The following SDR42E1 variants were observed in gnomAD, a reference collection of about 807,000 sequenced individuals.
The protein encoded by SDR42E1 is short-chain dehydrogenase/reductase family 42E member 1.
A neutral mutation model predicts 2.6 loss-of-function variants in SDR42E1; 5 were observed. That is an observed-to-expected ratio of 1.94 (90% confidence interval 1.01 to 4.08). The LOEUF is 4.08. Ranked by LOEUF, SDR42E1 falls within the 30% of genes most tolerant of loss-of-function variation. The pLI is 0.00. For synonymous variants in SDR42E1, 231 were observed against 188.3 expected (o/e 1.23, Z -1.86); for missense variants, 596 against 478.6 (o/e 1.25, Z -2.29).
Position 81,989,499 on chromosome 16 carries a change from A to C in SDR42E1, c.*9612T>G, listed in dbSNP as rs936559730. On this transcript the variant is annotated 3_prime_UTR_variant, in exon 3 of 3. Coordinates refer to ENST00000328945, the MANE Select transcript of SDR42E1 (RefSeq NM_145168.3). ...TCTAAGTTACACAGAAGCACTCTGA[A>C]TGTGTAGAAATAAAAGCTTGATGAT... 1 of 152,218 alleles carries C rather than the reference A, an allele frequency of 6.6e-6. No individual in the cohort carries two copies. The highest frequency in any genetic ancestry group is 2.4e-5 in the African/African-American group (1 of 41,434). 9.4% of individuals were successfully genotyped at this position (152,218 alleles called of 1,614,324 possible).
chr16:81,989,949 G>A lies in SDR42E1; in HGVS notation c.*9162C>T, dbSNP rs889498169. On this transcript the variant is annotated 3_prime_UTR_variant, in exon 3 of 3. Transcript: ENST00000328945. The stretch of plus-strand genomic sequence containing the variant: ...GGAGGCGGAGGTTGCAGTGAGCCAA[G>A]ATTGTGCCACTGCACTCCAGCCTGG... The A allele has an allele frequency of 6.6e-6, 1 of 152,424 alleles. No homozygotes were observed. The highest frequency in any genetic ancestry group is 1.5e-5 in the Non-Finnish European group (1 of 68,252). 9.4% of individuals were successfully genotyped at this position (152,424 alleles called of 1,614,324 possible). A position where few individuals can be genotyped will look rare whatever the true frequency, so the allele number is the denominator to read the frequency against.
intron 1 of SDR42E1, among the ~76,000 whole-genome samples, chr16:82,008,149 G>A (rs145332519): frequency 2.0e-5 from 3 of 152,308 alleles, no homozygotes; most frequent in African/African-American, 7.2e-5. Flanking sequence ...ACGTGACTTT[G>A]CTCTTCCTTT....
rs527639457 is a variant in SDR42E1, at chr16:81,999,476, G to C, written c.817C>G (p.Leu273Val). 1 of 1,614,182 alleles carries C rather than the reference G, an allele frequency of 6.2e-7. No individual in the cohort carries two copies. The highest frequency in any genetic ancestry group is 1.1e-5 in the South Asian group (1 of 91,090). Residue 273 changes from leucine to valine, a missense_variant, in exon 3 of 3, where the codon CTG (leucine) becomes GTG (valine). By Grantham distance (32) the Leu-to-Val change is conservative. Transcript: ENST00000328945. Reference protein sequence around the residue: ...FEFFRPLVEGLGYTFPSTRLP... With the variant: ...FEFFRPLVEGVGYTFPSTRLP... ...CGGGTAGACGGGAATGTGTAGCCCA[G>C]GCCCTCAACCAGAGGCCGGAAGAAC...
chr16:82,000,961 C>A, intron 1 of SDR42E1, 77 bp from the exon 2 acceptor site: 2 of 953,294 alleles, frequency 2.1e-6, no homozygotes, highest in Admixed American at 4.5e-5. Context: ...CTAACAAAAA[C>A]AAAAAGTCAA....
chr16:82,004,536 TG>T (rs1401110283), intron 1 of SDR42E1, among the ~76,000 whole-genome samples: 1 of 152,256 alleles, frequency 6.6e-6, no homozygotes, highest in African/African-American at 2.4e-5. Context: ...GGTCTCACTC[TG>T]TTGCCCAGGC....
At chr16:82,004,121 CA>C (rs1912856644) in intron 1 of SDR42E1, among the ~76,000 whole-genome samples, 1 of 151,886 alleles carries the variant, frequency 6.6e-6, no homozygotes, top group Non-Finnish European at 1.5e-5. Context: ...CTACAGATAC[CA>C]AAAGGAAAAG....
rs370434533 is a variant in SDR42E1 at position 81,997,689 on chromosome 16, T to A, written c.*1422A>T. ...TTATATTAGAAGTACTTTCACCACA[T>A]CTTGCTTTATGCTCCCAGTGAACCC... On this transcript the variant is annotated 3_prime_UTR_variant, in exon 3 of 3. Transcript: ENST00000328945. The A allele has an allele frequency of 1.3e-5, 2 of 152,200 alleles. No homozygotes were observed. Among genetic ancestry groups the A allele is most frequent in the East Asian group, 3.8e-4 (2 of 5,196 alleles). The allele number at this position is 152,200 out of a possible 1,614,324, so 9.4% of individuals were successfully genotyped here.
rs568981850 is a variant in SDR42E1, at chr16:82,002,010, C to T, written c.-26-1126G>A. On this transcript the variant is annotated intron_variant, in intron 1 of 2. Coordinates refer to ENST00000328945, the MANE Select transcript of SDR42E1 (RefSeq NM_145168.3). ...CACACACATATACCTGTGCTCAAGT[C>T]AACAGAGACACTCAGAGGTGTGGTT... Among the ~76,000 whole-genome samples the T allele has an allele frequency of 3.5e-5, 5 of 144,722 alleles. No individual in the cohort carries two copies. In the South Asian group the frequency reaches 1.1e-3, roughly 31 times the overall value. The allele number at this position is 144,722 out of a possible 152,430, so 94.9% of individuals were successfully genotyped here. A position where few individuals can be genotyped will look rare whatever the true frequency, so the allele number is the denominator to read the frequency against.
At chr16:82,000,254 A>G in intron 2 of SDR42E1, 30 bp from the exon 3 acceptor site, 1 of 1,599,982 alleles carries the variant, frequency 6.3e-7, no homozygotes, top group Non-Finnish European at 8.5e-7. Flanking sequence ...ACGTTGAATC[A>G]AGTCACTCTT....
intron 1 of SDR42E1, among the ~76,000 whole-genome samples, chr16:82,002,618 C>T (rs1597178419): frequency 6.6e-6 from 1 of 152,122 alleles, no homozygotes; most frequent in Non-Finnish European, 1.5e-5. Context: ...CCTGGATTCA[C>T]ACCCGATGGC....
Position 81,998,302 on chromosome 16 carries a change from T to G in SDR42E1, c.*809A>C, listed in dbSNP as rs1912597927. ...TTCTTAGAGGCCTAAACTTTACAAA[T>G]AGAGTATATCCAAATACACTTGTTG... On this transcript the variant is annotated 3_prime_UTR_variant, in exon 3 of 3. Coordinates refer to ENST00000328945, the MANE Select transcript of SDR42E1 (RefSeq NM_145168.3). 1 of 152,168 alleles carries G rather than the reference T, an allele frequency of 6.6e-6. No individual in the cohort carries two copies. Among genetic ancestry groups the G allele is most frequent in the African/African-American group, 2.4e-5 (1 of 41,424 alleles). The allele number at this position is 152,168 out of a possible 1,614,324, so 9.4% of individuals were successfully genotyped here.
chr16:82,009,328 A>T (rs1913050155), intron 1 of SDR42E1, among the ~76,000 whole-genome samples: 1 of 152,242 alleles, frequency 6.6e-6, no homozygotes, highest in African/African-American at 2.4e-5. Flanking sequence ...AACAGCTTGC[A>T]CCGTACACCT....
chr16:82,000,562 G>C (rs1275065605), intron 2 of SDR42E1: 1 of 588,358 alleles, frequency 1.7e-6, no homozygotes, highest in African/African-American at 1.9e-5. Flanking sequence ...AATTGTTTTT[G>C]GTGATGTGAA....
rs1301330547 is a variant in SDR42E1 at position 81,994,996 on chromosome 16, T to C, written c.*4115A>G. 6.6e-6 allele frequency: 1 copy of C among 152,254 alleles called. No homozygotes were observed. The highest frequency in any genetic ancestry group is 1.5e-5 in the Non-Finnish European group (1 of 68,050). 9.4% of individuals were successfully genotyped at this position (152,254 alleles called of 1,614,324 possible). A position where few individuals can be genotyped will look rare whatever the true frequency, so the allele number is the denominator to read the frequency against. On this transcript the variant is annotated 3_prime_UTR_variant, in exon 3 of 3. Transcript: ENST00000328945. ...CCACTAACTGTTACTGCTTGTAATGTGGCACTGTCTGCCCCTGTCACCAGA... is the reference window on the plus strand; with the variant it reads ...CCACTAACTGTTACTGCTTGTAATGCGGCACTGTCTGCCCCTGTCACCAGA...
Position 81,999,507 on chromosome 16 carries a change from G to A in SDR42E1, c.786C>T (p.Asn262=). 1 of 1,614,192 alleles carries A rather than the reference G, an allele frequency of 6.2e-7. No homozygotes were observed. The highest frequency in any genetic ancestry group is 8.5e-7 in the Non-Finnish European group (1 of 1,180,028). ...YFISDGRPVN[N]FEFFRPLVEG... ...CAACCAGAGGCCGGAAGAACTCAAA[G>A]TTGTTCACGGGTCTGCCATCTGAGA... Residue 262 remains asparagine (N), a synonymous_variant, in exon 3 of 3, where the codon AAC becomes AAT. Coordinates refer to ENST00000328945, the MANE Select transcript of SDR42E1 (RefSeq NM_145168.3).
intron 1 of SDR42E1, among the ~76,000 whole-genome samples, chr16:82,002,321 C>A (rs1433326370): frequency 6.6e-6 from 1 of 152,164 alleles, no homozygotes; most frequent in Admixed American, 6.5e-5. Context: ...GTTATGTGAT[C>A]TTGGCCAAGA....
rs1912536416 is a variant in SDR42E1, at chr16:81,996,150, T to A, written c.*2961A>T. ...AAAGCCTCTTGATCACGTTAAAGAT[T>A]CTCAACCTAAGGAAAGTTTTCAGCA... On this transcript the variant is annotated 3_prime_UTR_variant, in exon 3 of 3. Coordinates refer to ENST00000328945, the MANE Select transcript of SDR42E1 (RefSeq NM_145168.3). The A allele has an allele frequency of 6.6e-6, 1 of 152,160 alleles. No homozygotes were observed. Among genetic ancestry groups the A allele is most frequent in the Admixed American group, 6.6e-5 (1 of 15,264 alleles). The allele number at this position is 152,160 out of a possible 1,614,324, so 9.4% of individuals were successfully genotyped here.
chr16:82,005,018 ATCT>A (rs1300094713), intron 1 of SDR42E1, among the ~76,000 whole-genome samples: 6 of 152,212 alleles, frequency 3.9e-5, no homozygotes, highest in African/African-American at 1.4e-4. Context: ...ACAATTTAAG[ATCT>A]TCTTAATATC....
At position 81,989,172 on chromosome 16, in the gene SDR42E1, T is replaced by C. The variant is rs970919539; in HGVS notation, c.*9939A>G. ...GAACTGTCTTAGGCCAACTAGGACA[T>C]ATGCTTATCATCTTTATATACCCGG... On this transcript the variant is annotated 3_prime_UTR_variant, in exon 3 of 3. Transcript: ENST00000328945. The C allele has an allele frequency of 2.6e-5, 4 of 152,182 alleles. No homozygotes were observed. The highest frequency in any genetic ancestry group is 4.4e-5 in the Non-Finnish European group (3 of 68,038). The allele number at this position is 152,182 out of a possible 1,614,324, so 9.4% of individuals were successfully genotyped here.
Sources: gnomAD v4.1 joint callset for allele counts (sites outside exome capture counted in the v4.1 genomes callset) on GRCh38, gnomAD v4.1.1 for gene constraint, MANE v1.5 for transcripts, NCBI Gene and HGNC (gene_info 2026-07-23, HGNC 2026-07-21) for gene names.